FGF14: variants seen among roughly 807,000 people sequenced by gnomAD.
FGF14 encodes the protein fibroblast growth factor 14, also known as fibroblast growth factor homologous factor 4.
Under a neutral mutation model 25.5 loss-of-function variants are expected in FGF14, and 5 were observed. That is an observed-to-expected ratio of 0.20 (90% CI 0.10 to 0.41). The LOEUF is 0.41. Ranked by LOEUF, FGF14 falls within the 10% of genes least tolerant of loss-of-function variation. The pLI is 1.00. For synonymous variants in FGF14, 138 were observed against 118.3 expected (o/e 1.17, Z -1.08); for missense variants, 222 against 320.1 (o/e 0.69, Z 2.34).
intron 3 of FGF14, among the ~76,000 whole-genome samples, chr13:101,762,966 G>A (rs2038126016): frequency 6.6e-6 from 1 of 152,120 alleles, no homozygotes; most frequent in Non-Finnish European, 1.5e-5. Context: ...CACACACCCT[G>A]CCTCCAGCAT....
intron 3 of FGF14, among the ~76,000 whole-genome samples, chr13:101,840,197 A>G (rs1008105771): frequency 2.6e-5 from 4 of 152,014 alleles, no homozygotes; most frequent in African/African-American, 9.7e-5. Flanking sequence ...TTATTTTAAA[A>G]GGATTCTAAA....
At chr13:101,903,050 G>GT (rs1194622655) in intron 1 of FGF14, among the ~76,000 whole-genome samples, 1 of 152,060 alleles carries the variant, frequency 6.6e-6, no homozygotes, top group Non-Finnish European at 1.5e-5. Flanking sequence ...GTTTTCTGGG[G>GT]TTTTTTGTTT....
intron 3 of FGF14, among the ~76,000 whole-genome samples, chr13:101,767,284 C>T (rs1007283226): frequency 6.6e-6 from 1 of 152,124 alleles, no homozygotes; most frequent in African/African-American, 2.4e-5. Flanking sequence ...TCCTGGGGAG[C>T]TGTTTTAAGT....
At chr13:101,981,501 T>A (rs760384708) in intron 1 of FGF14, among the ~76,000 whole-genome samples, 1 of 152,118 alleles carries the variant, frequency 6.6e-6, no homozygotes, top group African/African-American at 2.4e-5. Flanking sequence ...GCAGCCCACA[T>A]AGACTAAGAC....
rs1011391777 is a variant in FGF14 at position 102,012,270 on chromosome 13, T to C, written c.209-136974A>G. Among the ~76,000 whole-genome samples, 3 of 152,188 alleles carry C rather than the reference T, an allele frequency of 2.0e-5. No homozygotes were observed. In the East Asian group the frequency reaches 5.8e-4, roughly 29 times the overall value. ...TCAGCTACACAAGCCATGAATATTA[T>C]GAAAATTAAAATTTCATTATAATCA... On this transcript the variant is annotated intron_variant, in intron 1 of 4. Transcript: ENST00000376131.
chr13:101,728,087 T>TA (rs2035562689), intron 3 of FGF14, among the ~76,000 whole-genome samples: 1 of 152,180 alleles, frequency 6.6e-6, no homozygotes, highest in South Asian at 2.1e-4. Flanking sequence ...TAATGTCATG[T>TA]AGAAATTTCC....
intron 1 of FGF14, among the ~76,000 whole-genome samples, chr13:101,957,985 A>G (rs1321077113): frequency 3.9e-5 from 6 of 152,244 alleles, no homozygotes; most frequent in Non-Finnish European, 8.8e-5. Context: ...TATAGTAAAT[A>G]GTATAGGAAA....
chr13:102,035,545 A>G (rs1409990875), intron 1 of FGF14, among the ~76,000 whole-genome samples: 3 of 152,150 alleles, frequency 2.0e-5, no homozygotes, highest in African/African-American at 7.2e-5. Flanking sequence ...CAGTTGATCA[A>G]TCAACAGCTT....
rs147625284 is a variant in FGF14 at position 102,085,244 on chromosome 13, G to T, written c.209-209948C>A. 2.1e-3 allele frequency among the ~76,000 whole-genome samples: 322 copies of T among 151,880 alleles called. 2 individuals carry two copies. The highest frequency in any genetic ancestry group is 6.2e-3 in the African/African-American group (256 of 41,370). ...CCCCACCTCCTATGTGTATGTGCTG[G>T]TGGGGGAGGGGGAGGAAGGAAGAGC... is the stretch of plus-strand genomic sequence containing the variant. On this transcript the variant is annotated intron_variant, in intron 1 of 4. Transcript: ENST00000376131.
At chr13:102,221,636 AC>A (rs2050618302) in intron 1 of FGF14, among the ~76,000 whole-genome samples, 1 of 151,880 alleles carries the variant, frequency 6.6e-6, no homozygotes, top group Non-Finnish European at 1.5e-5. Context: ...ACACACACAC[AC>A]ACACACACAG....
intron 1 of FGF14, among the ~76,000 whole-genome samples, chr13:101,889,258 C>A (rs1038062549): frequency 6.6e-6 from 1 of 152,170 alleles, no homozygotes; most frequent in Non-Finnish European, 1.5e-5. Flanking sequence ...AGTTCAACTG[C>A]CACGTTCACC....
At chr13:101,813,833 T>C (rs1007799937) in intron 3 of FGF14, among the ~76,000 whole-genome samples, 4 of 152,232 alleles carry the variant, frequency 2.6e-5, no homozygotes, top group African/African-American at 9.6e-5. Flanking sequence ...GCAGAGATAC[T>C]TGTTCCTAAA....
At chr13:102,197,353 G>A (rs889596319) in intron 1 of FGF14, among the ~76,000 whole-genome samples, 1 of 152,030 alleles carries the variant, frequency 6.6e-6, no homozygotes, top group African/African-American at 2.4e-5. Flanking sequence ...CCTAGACCCA[G>A]GGGTACACTG....
chr13:102,066,093 T>G (rs2042892462), intron 1 of FGF14, among the ~76,000 whole-genome samples: 1 of 152,122 alleles, frequency 6.6e-6, no homozygotes, highest in South Asian at 2.1e-4. Context: ...TACACTTAAG[T>G]AATACATTAA....
chr13:101,955,574 G>A (rs936770140), intron 1 of FGF14, among the ~76,000 whole-genome samples: 1 of 152,230 alleles, frequency 6.6e-6, no homozygotes, highest in Non-Finnish European at 1.5e-5. Flanking sequence ...AGGTGTCAAA[G>A]TTATAGATGA....
At chr13:102,267,783 T>C (rs2053061018) in intron 1 of FGF14, among the ~76,000 whole-genome samples, 1 of 152,082 alleles carries the variant, frequency 6.6e-6, no homozygotes, top group Admixed American at 6.6e-5. Flanking sequence ...AGTACTAAAA[T>C]TTGGGGGTAA....
intron 1 of FGF14, among the ~76,000 whole-genome samples, chr13:101,923,545 G>T (rs1480432262): frequency 7.9e-5 from 12 of 152,004 alleles, no homozygotes; most frequent in Non-Finnish European, 1.8e-4. Context: ...AAGACTGACT[G>T]CTTATCCGCT....
At chr13:102,337,508 T>C (rs1270580599) in intron 1 of FGF14, among the ~76,000 whole-genome samples, 4 of 152,178 alleles carry the variant, frequency 2.6e-5, no homozygotes, top group Admixed American at 2.6e-4. Flanking sequence ...CTGTGAGTGT[T>C]GTTGAAACAA....
intron 1 of FGF14, among the ~76,000 whole-genome samples, chr13:102,124,233 TAAGAGAA>T (rs2045855789): frequency 6.6e-6 from 1 of 152,144 alleles, no homozygotes; most frequent in African/African-American, 2.4e-5. Context: ...ACTGGGTTAT[TAAGAGAA>T]AAGAGGAAAA....
Sources: gnomAD v4.1 joint callset for allele counts (sites outside exome capture counted in the v4.1 genomes callset) on GRCh38, gnomAD v4.1.1 for gene constraint, MANE v1.5 for transcripts, NCBI Gene and HGNC (gene_info 2026-07-23, HGNC 2026-07-21) for gene names.